TTYH3: variants seen among roughly 807,000 people sequenced by gnomAD.
TTYH3 encodes the protein tweety family member 3.
TTYH3 carries 23 observed loss-of-function variants against 68.2 expected under a neutral mutation model. The observed-to-expected ratio is 0.34, with a 90% CI of 0.24 to 0.48. The LOEUF is 0.48. Ranked by LOEUF, TTYH3 falls within the 20% of genes least tolerant of loss-of-function variation. TTYH3 has a pLI of 0.99. For synonymous variants in TTYH3, 360 were observed against 332.8 expected (o/e 1.08, Z -0.89); for missense variants, 768 against 727.7 (o/e 1.06, Z -0.64).
chr7:2,647,191 A>C lies in TTYH3; in HGVS notation c.343A>C (p.Ile115Leu), dbSNP rs1266903897. 5 of 1,606,904 alleles carry C rather than the reference A, an allele frequency of 3.1e-6. No homozygotes were observed. The highest frequency in any genetic ancestry group is 4.2e-6 in the Non-Finnish European group (5 of 1,178,264). Residue 115 changes from isoleucine to leucine, a missense_variant, in exon 3 of 14, where the codon ATC becomes CTC. Ile to Leu is a conservative substitution (Grantham distance 5). Coordinates refer to ENST00000258796, the MANE Select transcript of TTYH3 (RefSeq NM_025250.3). ...CGGCAACGGGGAGACCAGTGATGGC[A>C]TCCATAGGGCCACCTACTCGCTCCG... is the stretch of plus-strand genomic sequence containing the variant. ...FYGNGETSDG[I>L]HRATYSLRHA...
At chr7:2,637,777 G>T (rs1224520097) in intron 1 of TTYH3, among the ~76,000 whole-genome samples, 1 of 152,176 alleles carries the variant, frequency 6.6e-6, no homozygotes, top group Non-Finnish European at 1.5e-5. Context: ...GCTATGTTCT[G>T]CAGGGAGCCC....
intron 13 of TTYH3, among the ~76,000 whole-genome samples, 198 bp downstream of exon 13, chr7:2,659,213 C>T (rs1786424018): frequency 6.6e-6 from 1 of 152,182 alleles, no homozygotes; most frequent in African/African-American, 2.4e-5. Context: ...GTTGACGGGG[C>T]TGGGTGGGAC....
chr7:2,656,654 C>T, intron 11 of TTYH3, 120 bp downstream of exon 11: 6 of 1,264,692 alleles, frequency 4.7e-6, no homozygotes, highest in Non-Finnish European at 6.3e-6. Context: ...ACAGACACCT[C>T]CTCACCTCGT....
Position 2,656,550 on chromosome 7 carries a change from G to A in TTYH3, c.1250+16G>A, listed in dbSNP as rs956731112. The A allele has an allele frequency of 6.3e-7, 1 of 1,595,648 alleles. No individual in the cohort carries two copies. The highest frequency in any genetic ancestry group is 2.3e-5 in the East Asian group (1 of 44,326). On this transcript the variant is annotated intron_variant, in intron 11 of 13. Transcript: ENST00000258796. ...AGCAAAAGAGGTGAGGGGCCCTGGG[G>A]GGTCGCAGGAGCTTGCCCCAGGCCA...
chr7:2,646,986 C>A lies in TTYH3; in HGVS notation c.257C>A (p.Thr86Lys). Residue 86 changes from threonine to lysine, a missense_variant, in exon 2 of 14, where the codon ACG becomes AAG. By Grantham distance (78) the Thr-to-Lys change is moderately conservative (BLOSUM62 -1). Coordinates refer to ENST00000258796, the MANE Select transcript of TTYH3 (RefSeq NM_025250.3). ...EEHLDADCCC[T>K]AWCVIIATLV... ...CACCTGGACGCCGACTGCTGCTGCACGGCCTGGTGTGTCATCATCGCCACG... is the reference window on the plus strand; with the variant it reads ...CACCTGGACGCCGACTGCTGCTGCAAGGCCTGGTGTGTCATCATCGCCACG... 1 of 1,568,784 alleles carries A rather than the reference C, an allele frequency of 6.4e-7. No homozygotes were observed. The highest frequency in any genetic ancestry group is 8.6e-7 in the Non-Finnish European group (1 of 1,159,896).
chr7:2,642,120 A>G (rs1583559682), intron 1 of TTYH3, among the ~76,000 whole-genome samples: 1 of 152,226 alleles, frequency 6.6e-6, no homozygotes, highest in Non-Finnish European at 1.5e-5. Flanking sequence ...GCCTCAGCCA[A>G]TCGCGGTGCT....
At chr7:2,636,718 C>T (rs572692138) in intron 1 of TTYH3, among the ~76,000 whole-genome samples, 5 of 152,230 alleles carry the variant, frequency 3.3e-5, no homozygotes, top group Non-Finnish European at 7.4e-5. Flanking sequence ...CCATCTTGGC[C>T]GGTGTCTGCA....
chr7:2,638,805 C>T (rs906686279), intron 1 of TTYH3, among the ~76,000 whole-genome samples: 4 of 152,194 alleles, frequency 2.6e-5, no homozygotes, highest in Non-Finnish European at 5.9e-5. Flanking sequence ...CCAGCTTGGC[C>T]GCATGGGGGG....
chr7:2,647,451 G>T lies in TTYH3; in HGVS notation c.439G>T (p.Ala147Ser). The T allele has an allele frequency of 2.6e-6, 4 of 1,530,098 alleles. No individual in the cohort carries two copies. The highest frequency in any genetic ancestry group is 3.5e-6 in the Non-Finnish European group (4 of 1,142,680). The allele number at this position is 1,530,098 out of a possible 1,614,324, so 94.8% of individuals were successfully genotyped here. The change falls in exon 4 of 14, where the codon GCG (alanine) becomes TCG (serine). Residue 147 changes from alanine to serine, a missense_variant. By Grantham distance (99) the Ala-to-Ser change is moderately conservative. Transcript: ENST00000258796. ...WDTAVGLNHTAEPSLQTLERQ... is the reference protein window; with the variant it reads ...WDTAVGLNHTSEPSLQTLERQ... The stretch of plus-strand genomic sequence containing the variant: ...CACGGCGGTGGGGCTGAACCACACG[G>T]CGGAGCCCAGCCTGCAGACCCTGGA...
At position 2,664,000 on chromosome 7, in the gene TTYH3, A is replaced by C. The variant is rs932888995; in HGVS notation, c.*2261A>C. 2.0e-5 allele frequency: 3 copies of C among 152,382 alleles called. No individual in the cohort carries two copies. Among genetic ancestry groups the C allele is most frequent in the Non-Finnish European group, 2.9e-5 (2 of 68,064 alleles). The allele number at this position is 152,382 out of a possible 1,614,324, so 9.4% of individuals were successfully genotyped here. ...TCCATCCCATGACCTCGCCACACCT[A>C]CTGGGGCATCTGGCTGGTGCCTGCT... On this transcript the variant is annotated 3_prime_UTR_variant, in exon 14 of 14. Transcript: ENST00000258796.
At chr7:2,648,927 AGTGGGGTG>A (rs1363600953) in intron 5 of TTYH3, among the ~76,000 whole-genome samples, 6 of 106,244 alleles carry the variant, frequency 5.6e-5, no homozygotes, top group African/African-American at 1.8e-4. Context: ...TGGGGCCCGC[AGTGGGGTG>A]TGGGGCCCGC....
intron 4 of TTYH3, 63 bp downstream of exon 4, chr7:2,647,701 T>G (rs1786038460): frequency 6.7e-7 from 1 of 1,502,676 alleles, no homozygotes; most frequent in African/African-American, 1.4e-5. Context: ...CTTGGGCCAA[T>G]TTTTGCTCTC....
rs147436400 is a variant in TTYH3, at chr7:2,651,527, C to T, written c.872-660C>T. Among the ~76,000 whole-genome samples, 1,323 of 152,258 alleles carry T rather than the reference C, an allele frequency of 8.7e-3. 15 individuals carry two copies. The highest frequency in any genetic ancestry group is 0.034 in the Middle Eastern group (10 of 294). On this transcript the variant is annotated intron_variant, in intron 7 of 13. Transcript: ENST00000258796. ...GGTCCCTCCAGGTCCCTACTGTAGC[C>T]GGCGGCCTTTGGGGGGATCTCATCA...
intron 1 of TTYH3, among the ~76,000 whole-genome samples, chr7:2,634,773 A>C (rs2114969569): frequency 6.6e-6 from 1 of 152,072 alleles, no homozygotes; most frequent in South Asian, 2.1e-4. Context: ...GGAGGTGGGG[A>C]GAGTTGTCCA....
intron 1 of TTYH3, among the ~76,000 whole-genome samples, chr7:2,639,764 G>T (rs1233488120): frequency 6.6e-6 from 1 of 152,178 alleles, no homozygotes; most frequent in Non-Finnish European, 1.5e-5. Flanking sequence ...CCCCTCAGTG[G>T]CCTCTGTGGA....
chr7:2,632,385 C>T, intron 1 of TTYH3, 107 bp downstream of exon 1: 7 of 1,211,486 alleles, frequency 5.8e-6, no homozygotes, highest in African/African-American at 1.6e-5. Flanking sequence ...CCCCTCATCC[C>T]CCCCTCCAGG....
intron 13 of TTYH3, chr7:2,660,240 G>C (rs1008972085): frequency 1.0e-6 from 1 of 985,424 alleles, no homozygotes; most frequent in Non-Finnish European, 1.2e-6. Context: ...CTCACAGTGG[G>C]GTTGGCAAGT....
At chr7:2,659,891 C>T (rs1786442923) in intron 13 of TTYH3, 2 of 247,584 alleles carry the variant, frequency 8.1e-6, no homozygotes, top group Non-Finnish European at 1.3e-5. Context: ...TGAGGCCACA[C>T]TCTCTCTCTC....
chr7:2,649,963 G>T lies in TTYH3; in HGVS notation c.846G>T (p.Val282=). 1 of 1,614,066 alleles carries T rather than the reference G, an allele frequency of 6.2e-7. No homozygotes were observed. The highest frequency in any genetic ancestry group is 1.1e-5 in the South Asian group (1 of 91,088). Residue 282 remains valine (V), a synonymous_variant, in exon 7 of 14, where the codon GTG becomes GTT. Transcript: ENST00000258796. The part of the protein sequence containing the change: ...VDPDAYVTKM[V]EEYSVLSGDI... ...CTGACGCCTACGTGACCAAAATGGTGGAGGAGTACTCGGTGCTGAGTGGGG... is the reference window on the plus strand; with the variant it reads ...CTGACGCCTACGTGACCAAAATGGTTGAGGAGTACTCGGTGCTGAGTGGGG...
Sources: allele counts gnomAD v4.1 joint callset (sites outside exome capture counted in the v4.1 genomes callset), GRCh38; gene constraint gnomAD v4.1.1; transcripts MANE v1.5; gene names NCBI Gene and HGNC (gene_info 2026-07-23, HGNC 2026-07-21).